The following SCN9A variants were observed in gnomAD, a reference collection of about 807,000 sequenced individuals.
SCN9A encodes sodium voltage-gated channel alpha subunit 9.
A neutral mutation model predicts 187.0 loss-of-function variants in SCN9A; 131 were observed. The observed-to-expected ratio is 0.70, with a 90% CI of 0.61 to 0.81. The LOEUF (loss-of-function observed/expected upper bound fraction) is 0.81, where lower values mean the gene tolerates loss of function less well. SCN9A is among the 30% of genes least tolerant of loss of function. The probability of loss-of-function intolerance (pLI) is 0.00; values close to 1 mark genes in which losing one functional copy is unlikely to be tolerated. For missense variants in SCN9A, 2,252 were observed against 2,396.6 expected (o/e 0.94, Z 1.26); for synonymous variants, 809 against 808.6 (o/e 1.00, Z -0.01).
At chr2:166,374,260 G>C (rs542030965) in intron 1 of SCN9A, among the ~76,000 whole-genome samples, 2 of 152,270 alleles carry the variant, frequency 1.3e-5, no homozygotes, top group African/African-American at 2.4e-5. Flanking sequence ...TCCCACAACT[G>C]CACAGTGGCT....
At position 166,226,618 on chromosome 2, in the gene SCN9A, C is replaced by A; in HGVS notation, c.4347G>T (p.Leu1449Phe). 1 of 1,586,826 alleles carries A rather than the reference C, an allele frequency of 6.3e-7. No homozygotes were observed. Among genetic ancestry groups the A allele is most frequent in the South Asian group, 1.2e-5 (1 of 84,034 alleles). The change falls in exon 24 of 27, where the codon TTG (leucine) becomes TTT (phenylalanine). Residue 1449 changes from leucine (L) to phenylalanine (F), a missense_variant. Coordinates refer to ENST00000642356, the MANE Select transcript of SCN9A (RefSeq NM_001365536.1). ...VFIIFGSFFT[L>F]NLFIGVIIDN... ...CTATGATGACACCAATGAACAAGTTCAAAGTGAAGAATGACCCAAAGATGA... is the reference window on the plus strand; with the variant it reads ...CTATGATGACACCAATGAACAAGTTAAAAGTGAAGAATGACCCAAAGATGA...
At chr2:166,298,938 T>A (rs1698434790) in intron 7 of SCN9A, 1 of 152,244 alleles carries the variant, frequency 6.6e-6, no homozygotes, top group Admixed American at 6.5e-5. Context: ...TCAAATCATC[T>A]GTAGAATTTT....
At chr2:166,344,442 T>G (rs1283830578) in intron 1 of SCN9A, among the ~76,000 whole-genome samples, 2 of 152,138 alleles carry the variant, frequency 1.3e-5, no homozygotes, top group Non-Finnish European at 2.9e-5. Flanking sequence ...AACAGCATCT[T>G]ACGAAACTAA....
intron 21 of SCN9A, 151 bp downstream of exon 21, chr2:166,233,189 A>T: frequency 3.1e-6 from 1 of 323,252 alleles, no homozygotes; most frequent in Non-Finnish European, 4.9e-6. Context: ...ACATATATGC[A>T]TATGTATATA....
Position 166,280,489 on chromosome 2 carries a change from G to C in SCN9A, c.2211C>G (p.Ile737Met). The change falls in exon 14 of 27, where the codon ATC (isoleucine) becomes ATG (methionine). Residue 737 changes from isoleucine to methionine, a missense_variant. By Grantham distance (10) the Ile-to-Met change is conservative. Coordinates refer to ENST00000642356, the MANE Select transcript of SCN9A (RefSeq NM_001365536.1). The stretch of plus-strand genomic sequence containing the variant: ...CAAAAGGATCCATTACAATAAAATA[G>C]ATACACTTTTTGAATTTTATCCAAT... Reference protein sequence around the residue: ...SPYWIKFKKCIYFIVMDPFVD... With the variant: ...SPYWIKFKKCMYFIVMDPFVD... The C allele has an allele frequency of 1.3e-6, 2 of 1,586,062 alleles. No homozygotes were observed. Among genetic ancestry groups the C allele is most frequent in the Non-Finnish European group, 1.7e-6 (2 of 1,163,490 alleles).
chr2:166,226,316 T>A (rs894496513), intron 24 of SCN9A, among the ~76,000 whole-genome samples: 1 of 152,178 alleles, frequency 6.6e-6, no homozygotes, highest in African/African-American at 2.4e-5. Context: ...AGTTGATATA[T>A]TGCTCAAAAC....
rs183284329 is a variant in SCN9A, at chr2:166,305,102, T to A, written c.596+690A>T. Among the ~76,000 whole-genome samples, 48 of 152,134 alleles carry A rather than the reference T, an allele frequency of 3.2e-4. 1 individual carries two copies. The highest frequency in any genetic ancestry group is 1.0e-3 in the African/African-American group (43 of 41,546). ...TCGGATATTAGGAATCTTAAGACCC[T>A]TCTGTATTGTCTAGGTGGCTCCAGT... On this transcript the variant is annotated intron_variant, in intron 5 of 26. Coordinates refer to ENST00000642356, the MANE Select transcript of SCN9A (RefSeq NM_001365536.1).
In SCN9A at chr2:166,199,068, A is replaced by G; in HGVS notation, c.5571T>C (p.Asp1857=). The change falls in exon 27 of 27, where the codon GAT becomes GAC. Residue 1857 remains aspartate (D), a synonymous_variant. Transcript: ENST00000642356. ...KRVLGESGEM[D]SLRSQMEERF... is the part of the protein sequence containing the mutation. ...TTTCTTCCATCTGTGAACGAAGAGA[A>G]TCCATCTCCCCACTCTCACCCAAAA... 6.2e-7 allele frequency: 1 copy of G among 1,614,150 alleles called. No individual in the cohort carries two copies.
At chr2:166,293,498 A>T in intron 8 of SCN9A, 126 bp from the exon 9 acceptor site, 1 of 788,860 alleles carries the variant, frequency 1.3e-6, no homozygotes. Context: ...GATTAAGAAT[A>T]CATGATTTGG....
chr2:166,345,524 AC>A (rs1699879683), intron 1 of SCN9A, among the ~76,000 whole-genome samples: 1 of 142,966 alleles, frequency 7.0e-6, no homozygotes, highest in African/African-American at 2.8e-5. Context: ...AAAAAAAGTA[AC>A]AAAAAAAAGT....
chr2:166,195,818 A>G lies in SCN9A; in HGVS notation c.*2854T>C, dbSNP rs73017538. ...AACCCCAGCATGTTGGCAGGTCATG[A>G]CAGTAGGAACACTTGAAGCCAGGAG... is the stretch of plus-strand genomic sequence containing the variant. On this transcript the variant is annotated 3_prime_UTR_variant, in exon 27 of 27. Transcript: ENST00000642356. 0.11 allele frequency: 16,547 copies of G among 152,234 alleles called. 1,029 individuals carry two copies. Among genetic ancestry groups the G allele is most frequent in the African/African-American group, 0.17 (6,969 of 41,524 alleles). 9.4% of individuals were successfully genotyped at this position (152,234 alleles called of 1,614,324 possible). A position where few individuals can be genotyped will look rare whatever the true frequency, so the allele number is the denominator to read the frequency against.
At position 166,226,676 on chromosome 2, in the gene SCN9A, C is replaced by T. The variant is rs201479177; in HGVS notation, c.4289G>A (p.Ser1430Asn). 45 of 1,577,554 alleles carry T rather than the reference C, an allele frequency of 2.9e-5. No homozygotes were observed. Among genetic ancestry groups the T allele is most frequent in the African/African-American group, 4.1e-5 (3 of 73,692 alleles). ...NVDKQPKYEY[S>N]LYMYIYFVVF... ...GACAAAATAAATATACATGTAGAGG[C>T]TATATTCATATTTGGGCTGCTTGTC... The change falls in exon 24 of 27, where the codon AGC becomes AAC. Residue 1430 changes from serine (S) to asparagine (N), a missense_variant. This residue lies in a region of SCN9A where 368 missense variants were observed against 408.6 expected (regional missense o/e 0.90). Coordinates refer to ENST00000642356, the MANE Select transcript of SCN9A (RefSeq NM_001365536.1).
At chr2:166,251,449 C>T (rs1696032017) in intron 18 of SCN9A, among the ~76,000 whole-genome samples, 1 of 152,012 alleles carries the variant, frequency 6.6e-6, no homozygotes, top group Non-Finnish European at 1.5e-5. Flanking sequence ...AGAGTACAGA[C>T]TCTTTCATTA....
chr2:166,360,229 A>C (rs1425255844), intron 1 of SCN9A, among the ~76,000 whole-genome samples: 1 of 145,586 alleles, frequency 6.9e-6, no homozygotes, highest in Non-Finnish European at 1.5e-5. Flanking sequence ...CAAAAAAAAA[A>C]AAAAAAGAAA....
intron 1 of SCN9A, among the ~76,000 whole-genome samples, chr2:166,350,570 C>T (rs897539229): frequency 3.3e-5 from 5 of 152,122 alleles, no homozygotes; most frequent in Non-Finnish European, 7.4e-5. Flanking sequence ...ATAATCACTT[C>T]CTATTATTTA....
intron 17 of SCN9A, among the ~76,000 whole-genome samples, chr2:166,270,874 T>A (rs1696950572): frequency 6.6e-6 from 1 of 151,840 alleles, no homozygotes; most frequent in Non-Finnish European, 1.5e-5. Context: ...ATAGAAGATA[T>A]TTGGTAAATA....
At chr2:166,244,230 A>G (rs1433549263) in intron 18 of SCN9A, among the ~76,000 whole-genome samples, 2 of 152,098 alleles carry the variant, frequency 1.3e-5, no homozygotes, top group Non-Finnish European at 2.9e-5. Context: ...AGTAATAATT[A>G]GCATACATGT....
chr2:166,355,600 TTTTAAC>T (rs1295061923), intron 1 of SCN9A, among the ~76,000 whole-genome samples: 1 of 152,080 alleles, frequency 6.6e-6, no homozygotes, highest in Non-Finnish European at 1.5e-5. Context: ...GTTTGTCATC[TTTTAAC>T]TTTGTCTTTA....
In SCN9A at chr2:166,284,408, G is replaced by C. The variant is rs1233703053; in HGVS notation, c.1974+45C>G. On this transcript the variant is annotated intron_variant, in intron 12 of 26. Coordinates refer to ENST00000642356, the MANE Select transcript of SCN9A (RefSeq NM_001365536.1). ...TTCAGCAGAGAGACTGACTGATGCAGGAACAAGGGCCCAGCCATGCCTGAG... is the reference window on the plus strand; with the variant it reads ...TTCAGCAGAGAGACTGACTGATGCACGAACAAGGGCCCAGCCATGCCTGAG... 1.9e-6 allele frequency: 3 copies of C among 1,556,854 alleles called. No homozygotes were observed. In the African/African-American group the frequency reaches 4.1e-5, roughly 21 times the overall value.
Sources: allele counts gnomAD v4.1 joint callset (sites outside exome capture counted in the v4.1 genomes callset), GRCh38; gene constraint gnomAD v4.1.1; regional missense constraint gnomAD v4.1.1; transcripts MANE v1.5; gene names NCBI Gene and HGNC (gene_info 2026-07-23, HGNC 2026-07-21).